PBX1: variants seen among roughly 807,000 people sequenced by gnomAD.
PBX1 encodes pre-B-cell leukemia transcription factor 1.
A neutral mutation model predicts 53.4 loss-of-function variants in PBX1; 6 were observed. That is an observed-to-expected ratio of 0.11 (90% CI 0.06 to 0.22). The LOEUF (loss-of-function observed/expected upper bound fraction) is 0.22. PBX1 is among the 10% of genes least tolerant of loss of function. PBX1 has a pLI of 1.00. For synonymous variants in PBX1, 204 were observed against 212.3 expected (o/e 0.96, Z 0.34); for missense variants, 251 against 551.4 (o/e 0.46, Z 5.46).
chr1:164,594,534 GCCTCCCA>G (rs1655624180), intron 2 of PBX1, among the ~76,000 whole-genome samples: 2 of 152,106 alleles, frequency 1.3e-5, no homozygotes, highest in Non-Finnish European at 2.9e-5. Context: ...TCCTGCCTTG[GCCTCCCA>G]AAGTGCTGGG....
intron 8 of PBX1, among the ~76,000 whole-genome samples, chr1:164,826,984 C>A (rs902059479): frequency 6.6e-6 from 1 of 151,834 alleles, no homozygotes; most frequent in East Asian, 1.9e-4. Flanking sequence ...TTTGTTTTTT[C>A]TTTTCTCCCA....
intron 2 of PBX1, among the ~76,000 whole-genome samples, chr1:164,783,668 T>C (rs967410661): frequency 2.6e-5 from 4 of 152,126 alleles, no homozygotes; most frequent in African/African-American, 9.7e-5. Flanking sequence ...GGTGAAGTCG[T>C]GTAGTAGGAG....
intron 2 of PBX1, among the ~76,000 whole-genome samples, chr1:164,870,532 C>T (rs548653982): frequency 2.6e-5 from 4 of 151,790 alleles, no homozygotes; most frequent in Non-Finnish European, 4.4e-5. Flanking sequence ...TTAGTAGAGA[C>T]GGGGTTTCGC....
At chr1:164,574,630 C>T (rs1654093091) in intron 2 of PBX1, among the ~76,000 whole-genome samples, 2 of 152,156 alleles carry the variant, frequency 1.3e-5, no homozygotes, top group Non-Finnish European at 2.9e-5. Flanking sequence ...CGTTACCCTC[C>T]ATCAATCAAG....
intron 2 of PBX1, among the ~76,000 whole-genome samples, chr1:164,720,322 T>C (rs1053592359): frequency 1.3e-5 from 2 of 152,160 alleles, no homozygotes; most frequent in African/African-American, 2.4e-5. Flanking sequence ...CATGGGAAAC[T>C]TCACCATGTC....
At chr1:164,677,313 C>T (rs12132294) in intron 2 of PBX1, among the ~76,000 whole-genome samples, 13,561 of 150,886 alleles carry the variant, frequency 0.09, 676 homozygotes, top group Middle Eastern at 0.14. Context: ...AGGATGGTCT[C>T]GATCTCCTGA....
chr1:164,728,592 G>A (rs1664822568), intron 2 of PBX1, among the ~76,000 whole-genome samples: 1 of 152,092 alleles, frequency 6.6e-6, no homozygotes. Context: ...ATTTAGACAA[G>A]GCCAGAATAA....
intron 2 of PBX1, among the ~76,000 whole-genome samples, chr1:164,588,472 GCT>G (rs1491311025): frequency 6.1e-4 from 33 of 54,080 alleles, no homozygotes; most frequent in Admixed American, 3.0e-3. Context: ...TCCGGACTAA[GCT>G]TTTTTTTTTT....
Position 164,849,616 on chromosome 1 carries a change from C to G in PBX1, c.*2940C>G, listed in dbSNP as rs563796122. 186 of 613,792 alleles carry G rather than the reference C, an allele frequency of 3.0e-4. No individual in the cohort carries two copies. The South Asian group carries it at 3.3e-3, about 11-fold the overall frequency. The allele number at this position is 613,792 out of a possible 1,614,324, so 38.0% of individuals were successfully genotyped here. On this transcript the variant is annotated 3_prime_UTR_variant, in exon 9 of 9. Coordinates refer to ENST00000420696, the MANE Select transcript of PBX1 (RefSeq NM_002585.4). The stretch of plus-strand genomic sequence containing the variant: ...TTTCCCCTGAGAAACGATACTAGAC[C>G]CTGGGTTTGCCCACCTTGTAACTCT...
intron 2 of PBX1, among the ~76,000 whole-genome samples, chr1:164,670,237 C>G (rs896561179): frequency 1.3e-5 from 2 of 152,154 alleles, no homozygotes; most frequent in Non-Finnish European, 2.9e-5. Context: ...AGCTGATGGC[C>G]TGAGGCTTGC....
rs543464176 is a variant in PBX1 at position 164,880,811 on chromosome 1, C to T, written n.258-18377C>T. 4.8e-4 allele frequency among the ~76,000 whole-genome samples: 73 copies of T among 152,344 alleles called. No individual in the cohort carries two copies. In the South Asian group the frequency reaches 7.5e-3, roughly 16 times the overall value. The stretch of plus-strand genomic sequence containing the variant: ...GAGAGCACTAGCAAAACCAAATTAG[C>T]TCAAGCTGGCTGCCATTCAGGTCAG... On this transcript the variant is annotated intron_variant and non_coding_transcript_variant, in intron 2 of 2. Transcript: ENST00000558796.
At chr1:164,695,534 G>A (rs145613845) in intron 2 of PBX1, among the ~76,000 whole-genome samples, 6 of 152,312 alleles carry the variant, frequency 3.9e-5, no homozygotes, top group Non-Finnish European at 7.4e-5. Context: ...CCTTGCCTGA[G>A]TATCCTGACC....
intron 2 of PBX1, among the ~76,000 whole-genome samples, chr1:164,780,280 G>C (rs1013538140): frequency 6.6e-6 from 1 of 152,182 alleles, no homozygotes; most frequent in Non-Finnish European, 1.5e-5. Context: ...ACTCCCATCT[G>C]CTCCAGTGCT....
At chr1:164,874,753 C>A (rs1856493) in intron 2 of PBX1, among the ~76,000 whole-genome samples, 8 of 152,154 alleles carry the variant, frequency 5.3e-5, no homozygotes, top group Non-Finnish European at 8.8e-5. Context: ...CTTGGCCTCC[C>A]AAATTGCTGG....
intron 2 of PBX1, among the ~76,000 whole-genome samples, chr1:164,716,878 T>A (rs1011331892): frequency 1.3e-5 from 2 of 152,186 alleles, no homozygotes; most frequent in Non-Finnish European, 1.5e-5. Context: ...ACATGGAACA[T>A]AATTAAAACA....
intron 2 of PBX1, among the ~76,000 whole-genome samples, chr1:164,717,089 A>T (rs938309490): frequency 3.3e-5 from 5 of 152,194 alleles, no homozygotes; most frequent in African/African-American, 1.2e-4. Flanking sequence ...GAAAGAGGAC[A>T]GCATTTTTAT....
intron 2 of PBX1, among the ~76,000 whole-genome samples, chr1:164,614,655 T>A (rs1426447098): frequency 6.6e-6 from 1 of 152,220 alleles, no homozygotes; most frequent in Non-Finnish European, 1.5e-5. Context: ...AAAAATGGAC[T>A]CCCACACATT....
intron 2 of PBX1, among the ~76,000 whole-genome samples, chr1:164,709,080 G>C (rs1346270287): frequency 1.3e-5 from 2 of 152,144 alleles, no homozygotes; most frequent in African/African-American, 4.8e-5. Context: ...AAGTAGTCAC[G>C]GTACTCATGG....
intron 2 of PBX1, among the ~76,000 whole-genome samples, chr1:164,730,723 G>A (rs1664933087): frequency 6.6e-6 from 1 of 152,290 alleles, no homozygotes. Context: ...CTTTGCGTAA[G>A]TTTAATCAAG....
Sources: allele counts gnomAD v4.1 joint callset (sites outside exome capture counted in the v4.1 genomes callset), GRCh38; gene constraint gnomAD v4.1.1; transcripts MANE v1.5; gene names NCBI Gene and HGNC (gene_info 2026-07-23, HGNC 2026-07-21).